The following PLBD1 variants were observed in gnomAD, a reference collection of about 807,000 sequenced individuals.
PLBD1 encodes phospholipase B domain containing 1.
A neutral mutation model predicts 63.0 loss-of-function variants in PLBD1; 60 were observed. That is an observed-to-expected ratio of 0.95 (90% CI 0.77 to 1.18). The LOEUF (loss-of-function observed/expected upper bound fraction) is 1.18. PLBD1 is among the 50% of genes most tolerant of loss of function. PLBD1 has a pLI of 0.00. For synonymous variants in PLBD1, 262 were observed against 248.0 expected, an observed-to-expected ratio of 1.06 and a Z score of -0.53; for missense variants, 598 against 677.9, an observed-to-expected ratio of 0.88 and a Z score of 1.31.
chr12:14,509,499 AAAG>A (rs138489195), intron 8 of PLBD1, among the ~76,000 whole-genome samples: 5,135 of 152,276 alleles, frequency 0.034, 280 homozygotes, highest in African/African-American at 0.12. Context: ...CCTAACAAGC[AAAG>A]AAGAAGGTAG....
intron 2 of PLBD1, among the ~76,000 whole-genome samples, chr12:14,543,613 T>A (rs920807353): frequency 6.6e-6 from 1 of 152,002 alleles, no homozygotes; most frequent in Non-Finnish European, 1.5e-5. Context: ...TAATCCCAGC[T>A]ACTTGGGAGG....
intron 6 of PLBD1, among the ~76,000 whole-genome samples, chr12:14,517,505 A>T (rs775616322): frequency 6.6e-6 from 1 of 152,206 alleles, no homozygotes; most frequent in Non-Finnish European, 1.5e-5. Context: ...TCTAAAAAAA[A>T]AAAGAAATGG....
At chr12:14,545,200 A>G (rs930316399) in intron 2 of PLBD1, among the ~76,000 whole-genome samples, 18 of 152,144 alleles carry the variant, frequency 1.2e-4, no homozygotes, top group African/African-American at 4.3e-4. Flanking sequence ...CACACCCCCA[A>G]GCTTACCGTT....
chr12:14,528,511 G>A (rs1225053698), intron 6 of PLBD1, among the ~76,000 whole-genome samples: 7 of 152,046 alleles, frequency 4.6e-5, no homozygotes, highest in African/African-American at 1.2e-4. Flanking sequence ...TAAATAAATC[G>A]TGATAAATTA....
At chr12:14,548,976 A>G (rs1240392904) in intron 2 of PLBD1, among the ~76,000 whole-genome samples, 1 of 152,222 alleles carries the variant, frequency 6.6e-6, no homozygotes, top group African/African-American at 2.4e-5. Flanking sequence ...TTTATTAAAA[A>G]TCGATCCATG....
chr12:14,516,481 C>T (rs1362977502), intron 6 of PLBD1, among the ~76,000 whole-genome samples: 1 of 152,138 alleles, frequency 6.6e-6, no homozygotes, highest in Non-Finnish European at 1.5e-5. Flanking sequence ...ACAAATGTCC[C>T]AGCCCAGATC....
chr12:14,529,154 C>G (rs1945440309), intron 6 of PLBD1, among the ~76,000 whole-genome samples: 1 of 151,954 alleles, frequency 6.6e-6, no homozygotes, highest in African/African-American at 2.4e-5. Flanking sequence ...ATGTTCACAC[C>G]ACTGTACTCC....
chr12:14,521,827 C>T (rs1299188121), intron 6 of PLBD1, among the ~76,000 whole-genome samples: 1 of 151,442 alleles, frequency 6.6e-6, no homozygotes, highest in Non-Finnish European at 1.5e-5. Context: ...TTACTAATTG[C>T]ATAAAAAATT....
Position 14,567,729 on chromosome 12 carries a change from C to T in PLBD1, c.-33G>A, listed in dbSNP as rs1350610432. On this transcript the variant is annotated 5_prime_UTR_variant, in exon 1 of 11. Transcript: ENST00000240617. ...CGGCCGCGACCTTCCTCTGCGGGAT[C>T]AGGCGGCCGCGGTGGCCCGCGGTGG... 22 of 1,389,718 alleles carry T rather than the reference C, an allele frequency of 1.6e-5. No individual in the cohort carries two copies. The highest frequency in any genetic ancestry group is 2.0e-5 in the Non-Finnish European group (22 of 1,084,140). 86.1% of individuals were successfully genotyped at this position (1,389,718 alleles called of 1,614,324 possible). A position where few individuals can be genotyped will look rare whatever the true frequency, so the allele number is the denominator to read the frequency against.
intron 2 of PLBD1, among the ~76,000 whole-genome samples, chr12:14,544,750 T>C (rs1331755501): frequency 6.6e-6 from 1 of 152,184 alleles, no homozygotes; most frequent in Non-Finnish European, 1.5e-5. Context: ...TTTTTAAAAA[T>C]TAACTTCTAT....
intron 6 of PLBD1, among the ~76,000 whole-genome samples, chr12:14,517,017 C>T (rs1033105810): frequency 1.1e-4 from 17 of 151,958 alleles, no homozygotes; most frequent in African/African-American, 2.9e-4. Context: ...CCAGCATGGG[C>T]GACAGAGTGA....
At chr12:14,517,695 C>T (rs935817243) in intron 6 of PLBD1, among the ~76,000 whole-genome samples, 2 of 152,124 alleles carry the variant, frequency 1.3e-5, no homozygotes, top group Non-Finnish European at 2.9e-5. Flanking sequence ...CTTTGCCTCT[C>T]GACTGCATTA....
rs1048708421 is a variant in PLBD1, at chr12:14,519,667, C to A, written c.845-7956G>T. Among the ~76,000 whole-genome samples, 3 of 149,392 alleles carry A rather than the reference C, an allele frequency of 2.0e-5. No homozygotes were observed. The South Asian group carries it at 6.5e-4, about 32-fold the overall frequency. ...GAAGTGATGCCAGGTATAGCCCACACAGAGAAAAGGCCATGTGAGGACACA... is the reference window on the plus strand; with the variant it reads ...GAAGTGATGCCAGGTATAGCCCACAAAGAGAAAAGGCCATGTGAGGACACA... On this transcript the variant is annotated intron_variant, in intron 6 of 10. Coordinates refer to ENST00000240617, the MANE Select transcript of PLBD1 (RefSeq NM_024829.6).
At chr12:14,507,999 T>A (rs1422447320) in intron 8 of PLBD1, among the ~76,000 whole-genome samples, 1 of 152,218 alleles carries the variant, frequency 6.6e-6, no homozygotes. Context: ...GCCTTTCTCC[T>A]TTGTATTGTT....
intron 2 of PLBD1, among the ~76,000 whole-genome samples, chr12:14,552,262 T>C (rs1468318794): frequency 6.6e-6 from 1 of 151,944 alleles, no homozygotes; most frequent in Non-Finnish European, 1.5e-5. Context: ...ATTAAATAAA[T>C]TGCAACTTTA....
intron 9 of PLBD1, 105 bp downstream of exon 9, chr12:14,506,828 C>T: frequency 1.0e-6 from 1 of 981,778 alleles, no homozygotes; most frequent in South Asian, 2.1e-5. Context: ...TAAATAACTT[C>T]TTATAATTCC....
intron 6 of PLBD1, among the ~76,000 whole-genome samples, chr12:14,517,776 G>T (rs1440259315): frequency 2.6e-5 from 4 of 152,186 alleles, no homozygotes; most frequent in African/African-American, 9.7e-5. Flanking sequence ...AGAGAAGTTT[G>T]ATGTTTTGTA....
At chr12:14,551,172 G>A (rs1011204445) in intron 2 of PLBD1, among the ~76,000 whole-genome samples, 5 of 152,144 alleles carry the variant, frequency 3.3e-5, no homozygotes, top group African/African-American at 1.2e-4. Context: ...AGACCAGCCT[G>A]GCCAATGTGG....
intron 1 of PLBD1, among the ~76,000 whole-genome samples, chr12:14,558,266 C>T (rs1186777271): frequency 1.3e-5 from 2 of 152,016 alleles, no homozygotes; most frequent in Admixed American, 6.6e-5. Flanking sequence ...CCTTCACAAT[C>T]GTTAATCGGA....
Sources: gnomAD v4.1 joint callset for allele counts (sites outside exome capture counted in the v4.1 genomes callset) on GRCh38, gnomAD v4.1.1 for gene constraint, MANE v1.5 for transcripts, NCBI Gene and HGNC (gene_info 2026-07-23, HGNC 2026-07-21) for gene names.